FBXL17: variants seen among roughly 807,000 people sequenced by gnomAD.
FBXL17 encodes the protein F-box and leucine rich repeat protein 17.
FBXL17 carries 22 observed loss-of-function variants against 66.2 expected under a neutral mutation model. That is an observed-to-expected ratio of 0.33 (90% CI 0.24 to 0.47). FBXL17 has a LOEUF of 0.47. FBXL17 is among the 20% of genes least tolerant of loss of function. FBXL17 has a pLI of 1.00. For synonymous variants in FBXL17, 474 were observed against 400.5 expected (o/e 1.18, Z -2.19); for missense variants, 878 against 948.2 (o/e 0.93, Z 0.97).
intron 1 of FBXL17, among the ~76,000 whole-genome samples, chr5:108,375,805 G>A (rs1749383629): frequency 6.6e-6 from 1 of 151,982 alleles, no homozygotes; most frequent in African/African-American, 2.4e-5. Flanking sequence ...ACCAAAGCCA[G>A]GCAAAGAAAT....
chr5:107,899,236 T>C (rs1464803770), intron 7 of FBXL17, among the ~76,000 whole-genome samples: 1 of 152,234 alleles, frequency 6.6e-6, no homozygotes, highest in African/African-American at 2.4e-5. Flanking sequence ...ATTTACTTCA[T>C]TGTAAGAACA....
chr5:107,929,967 A>T (rs1294696100), intron 7 of FBXL17, among the ~76,000 whole-genome samples: 1 of 152,184 alleles, frequency 6.6e-6, no homozygotes, highest in Non-Finnish European at 1.5e-5. Context: ...TCCAGAAGAA[A>T]ATCTAATGAA....
rs1456331680 is a variant in FBXL17, at chr5:108,130,062, A to G, written c.1745+56055T>C. ...TGTTTCAAAGGAAGAATAATCATAC[A>G]TAAACTGCTTTTATTTTTAATGTTT... On this transcript the variant is annotated intron_variant, in intron 6 of 8. Coordinates refer to ENST00000542267, the MANE Select transcript of FBXL17 (RefSeq NM_001163315.3). Among the ~76,000 whole-genome samples, 13 of 152,058 alleles carry G rather than the reference A, an allele frequency of 8.5e-5. No individual in the cohort carries two copies. The East Asian group carries it at 2.3e-3, about 27-fold the overall frequency.
chr5:108,238,311 CCA>C (rs1402367642), intron 4 of FBXL17, among the ~76,000 whole-genome samples: 2 of 152,136 alleles, frequency 1.3e-5, no homozygotes, highest in African/African-American at 4.8e-5. Flanking sequence ...TTCTTTTAAA[CCA>C]CAGTCAAGAC....
chr5:108,071,835 TA>T (rs1327604399), intron 6 of FBXL17, among the ~76,000 whole-genome samples: 3 of 152,204 alleles, frequency 2.0e-5, no homozygotes, highest in Non-Finnish European at 4.4e-5. Context: ...TAATCTAGTT[TA>T]GAGTACAACT....
At position 108,380,844 on chromosome 5, in the gene FBXL17, C is replaced by A; in HGVS notation, c.848G>T (p.Gly283Val). The A allele has an allele frequency of 8.0e-7, 1 of 1,246,606 alleles. No individual in the cohort carries two copies. The highest frequency in any genetic ancestry group is 1.0e-6 in the Non-Finnish European group (1 of 987,974). The allele number at this position is 1,246,606 out of a possible 1,614,324, so 77.2% of individuals were successfully genotyped here. Residue 283 changes from glycine (G) to valine (V), a missense_variant, in exon 1 of 9, where the codon GGC (glycine) becomes GTC (valine). By Grantham distance (109) the Gly-to-Val change is moderately radical (BLOSUM62 -3). This residue lies in a region of FBXL17 where 605 missense variants were observed against 509.5 expected (regional missense o/e 1.19). Coordinates refer to ENST00000542267, the MANE Select transcript of FBXL17 (RefSeq NM_001163315.3). ...EAGGDAVRAGGTAPLSAQQQH... is the reference protein window; with the variant it reads ...EAGGDAVRAGVTAPLSAQQQH... ...CTGCTGGGCGGACAAGGGGGCGGTG[C>A]CCCCGGCTCGGACAGCGTCCCCGCC...
At chr5:108,332,941 C>CAAAAAAAAAAAAAAAAAAAAAAAAAA (rs34218940) in intron 4 of FBXL17, among the ~76,000 whole-genome samples, 1 of 34,764 alleles carries the variant, frequency 2.9e-5, no homozygotes, top group Non-Finnish European at 4.6e-5. Flanking sequence ...AAAGCAAAAG[C>CAAAAAAAAAAAAAAAAAAAAAAAAAA]AAAAAAAAAA....
At chr5:108,100,901 A>T (rs899200049) in intron 6 of FBXL17, among the ~76,000 whole-genome samples, 1 of 152,182 alleles carries the variant, frequency 6.6e-6, no homozygotes, top group Non-Finnish European at 1.5e-5. Flanking sequence ...AAATTTAGAC[A>T]TTTCACTACA....
At chr5:107,962,007 A>T (rs1391266985) in intron 7 of FBXL17, among the ~76,000 whole-genome samples, 2 of 152,186 alleles carry the variant, frequency 1.3e-5, no homozygotes, top group African/African-American at 4.8e-5. Context: ...TGGAATAACA[A>T]ATGTGAGCAC....
At chr5:108,270,533 A>G (rs940645087) in intron 4 of FBXL17, among the ~76,000 whole-genome samples, 1 of 150,446 alleles carries the variant, frequency 6.6e-6, no homozygotes, top group African/African-American at 2.4e-5. Context: ...CTCTTAGGTT[A>G]ATAAAAAAAA....
chr5:108,372,409 T>C (rs1749106201), intron 1 of FBXL17, among the ~76,000 whole-genome samples: 1 of 152,184 alleles, frequency 6.6e-6, no homozygotes, highest in Non-Finnish European at 1.5e-5. Flanking sequence ...ATGAAAGGCA[T>C]GAATCTAGCT....
At chr5:108,217,661 T>C (rs916039857) in intron 5 of FBXL17, among the ~76,000 whole-genome samples, 4 of 140,466 alleles carry the variant, frequency 2.8e-5, no homozygotes, top group African/African-American at 7.4e-5. Context: ...ATATGTACTA[T>C]GTACTATATG....
intron 7 of FBXL17, among the ~76,000 whole-genome samples, chr5:107,949,257 T>C (rs112579223): frequency 1.3e-3 from 196 of 152,050 alleles, no homozygotes; most frequent in African/African-American, 4.6e-3. Flanking sequence ...AAGTAACATG[T>C]TACATTGGTC....
intron 6 of FBXL17, among the ~76,000 whole-genome samples, chr5:108,091,948 T>A (rs1749202034): frequency 6.6e-6 from 1 of 152,246 alleles, no homozygotes; most frequent in East Asian, 1.9e-4. Context: ...AAATAATATA[T>A]AACAGCATGT....
chr5:107,980,664 AT>A (rs57472813), intron 7 of FBXL17, among the ~76,000 whole-genome samples: 2 of 62,074 alleles, frequency 3.2e-5, no homozygotes, highest in Non-Finnish European at 5.5e-5. Context: ...ATATATATAT[AT>A]TTTTTTTTTG....
chr5:108,364,037 T>A (rs1009769201), intron 3 of FBXL17, among the ~76,000 whole-genome samples: 33 of 152,164 alleles, frequency 2.2e-4, no homozygotes, highest in Admixed American at 5.2e-4. Context: ...GGCTCCCTTA[T>A]AAGTTGGTAA....
chr5:108,312,354 T>TA (rs894212313), intron 4 of FBXL17, among the ~76,000 whole-genome samples: 31 of 151,456 alleles, frequency 2.0e-4, no homozygotes, highest in South Asian at 4.2e-4. Flanking sequence ...CTTTCTCTGT[T>TA]AAAAAAAAAT....
chr5:108,045,009 AT>A (rs1408583121), intron 6 of FBXL17, among the ~76,000 whole-genome samples: 2 of 152,044 alleles, frequency 1.3e-5, no homozygotes, highest in African/African-American at 4.8e-5. Flanking sequence ...GACATTGGCA[AT>A]TTGTATCTTA....
chr5:108,338,852 C>T (rs866532526), intron 4 of FBXL17, among the ~76,000 whole-genome samples: 11 of 152,120 alleles, frequency 7.2e-5, no homozygotes, highest in Non-Finnish European at 1.3e-4. Flanking sequence ...TAAAGAAAGA[C>T]AGCAAAAGAA....
Sources: gnomAD v4.1 joint callset for allele counts (sites outside exome capture counted in the v4.1 genomes callset) on GRCh38, gnomAD v4.1.1 for gene constraint, gnomAD v4.1.1 regional missense constraint, MANE v1.5 for transcripts, NCBI Gene and HGNC (gene_info 2026-07-23, HGNC 2026-07-21) for gene names.